CAPN9: variants seen among roughly 807,000 people sequenced by gnomAD.
CAPN9 encodes calpain-9.
In CAPN9, 81 loss-of-function variants were observed where a neutral mutation model predicts 92.8. That is an observed-to-expected ratio of 0.87 (90% CI 0.73 to 1.05). The LOEUF (loss-of-function observed/expected upper bound fraction) is 1.05, where lower values mean the gene tolerates loss of function less well. Among genes scored for constraint, CAPN9 ranks in the 50% least tolerant of loss-of-function variants. CAPN9 has a pLI of 0.00. For missense variants in CAPN9, 848 were observed against 866.2 expected (o/e 0.98, Z 0.26); for synonymous variants, 304 against 328.0 (o/e 0.93, Z 0.79).
chr1:230,797,375 C>T (rs1026797500), intron 18 of CAPN9, among the ~76,000 whole-genome samples: 10 of 152,168 alleles, frequency 6.6e-5, no homozygotes, highest in East Asian at 3.8e-4. Context: ...GCACACCTAA[C>T]GAAATTCTCA....
chr1:230,793,018 G>T, intron 17 of CAPN9, 90 bp downstream of exon 17: 1 of 981,250 alleles, frequency 1.0e-6, no homozygotes, highest in Non-Finnish European at 1.6e-6. Context: ...TCTCTCTGCT[G>T]CCCAGGAGGT....
intron 16 of CAPN9, 111 bp downstream of exon 16, chr1:230,792,605 C>G (rs2282321): frequency 3.3e-6 from 3 of 899,942 alleles, no homozygotes; most frequent in Non-Finnish European, 5.6e-6. Flanking sequence ...GAATTGTATT[C>G]GGACAGGGGA....
At chr1:230,748,855 T>C (rs745941617) in intron 1 of CAPN9, among the ~76,000 whole-genome samples, 4 of 152,232 alleles carry the variant, frequency 2.6e-5, no homozygotes, top group Non-Finnish European at 4.4e-5. Flanking sequence ...TTCTGGGCTC[T>C]TCAGGGGCAG....
chr1:230,761,302 TAGC>T (rs1210145813), intron 3 of CAPN9, among the ~76,000 whole-genome samples: 3 of 152,104 alleles, frequency 2.0e-5, no homozygotes, highest in Non-Finnish European at 4.4e-5. Flanking sequence ...GCTAGGAAGT[TAGC>T]AGAGCTCTCT....
At chr1:230,773,882 G>A (rs28359665) in intron 7 of CAPN9, among the ~76,000 whole-genome samples, 12,598 of 152,148 alleles carry the variant, frequency 0.083, 699 homozygotes, top group African/African-American at 0.15. Context: ...CTATTTGGAG[G>A]CGGCTGTGGG....
intron 19 of CAPN9, among the ~76,000 whole-genome samples, chr1:230,800,295 A>AAC (rs1668638319): frequency 1.0e-5 from 1 of 100,268 alleles, no homozygotes; most frequent in Non-Finnish European, 2.2e-5. Context: ...AGAAAGAAAG[A>AAC]AAGAAAGAAA....
chr1:230,773,953 G>A (rs1011768277), intron 7 of CAPN9, among the ~76,000 whole-genome samples: 1 of 152,190 alleles, frequency 6.6e-6, no homozygotes, highest in African/African-American at 2.4e-5. Flanking sequence ...GTGACAGGCA[G>A]CCATTCCTAC....
intron 7 of CAPN9, among the ~76,000 whole-genome samples, chr1:230,772,819 A>G (rs1212338527): frequency 6.6e-6 from 1 of 151,452 alleles, no homozygotes; most frequent in Non-Finnish European, 1.5e-5. Flanking sequence ...AGAGCTGTTA[A>G]CCAGAGTTTT....
At position 230,747,446 on chromosome 1, in the gene CAPN9, C is replaced by A; in HGVS notation, c.-51C>A. On this transcript the variant is annotated 5_prime_UTR_variant, in exon 1 of 20. Transcript: ENST00000271971. ...CCGGCACACACAGCTCGCTTCTTCA[C>A]TTTCTTTTCCATCCACTGCCGGACC... 1 of 1,517,432 alleles carries A rather than the reference C, an allele frequency of 6.6e-7. No individual in the cohort carries two copies. The highest frequency in any genetic ancestry group is 9.1e-7 in the Non-Finnish European group (1 of 1,093,526). The allele number at this position is 1,517,432 out of a possible 1,614,324, so 94.0% of individuals were successfully genotyped here. A position where few individuals can be genotyped will look rare whatever the true frequency, so the allele number is the denominator to read the frequency against.
intron 1 of CAPN9, among the ~76,000 whole-genome samples, chr1:230,750,519 C>T (rs2478546): frequency 0.2 from 30,468 of 152,118 alleles, 3,698 homozygotes; most frequent in African/African-American, 0.34. Flanking sequence ...GGAGACTCTT[C>T]TTGCAGCATA....
chr1:230,780,131 G>T, intron 9 of CAPN9, 48 bp from the exon 10 acceptor site: 3 of 1,350,208 alleles, frequency 2.2e-6, no homozygotes, highest in East Asian at 4.6e-5. Flanking sequence ...TGGTCTTTGT[G>T]GGTTGTTTTT....
At chr1:230,761,077 C>T (rs1029980881) in intron 3 of CAPN9, among the ~76,000 whole-genome samples, 11 of 152,128 alleles carry the variant, frequency 7.2e-5, no homozygotes, top group African/African-American at 2.7e-4. Context: ...AGTAGCCAAG[C>T]CAGACCTAGA....
chr1:230,750,758 G>T (rs1294608314), intron 1 of CAPN9, among the ~76,000 whole-genome samples: 1 of 152,180 alleles, frequency 6.6e-6, no homozygotes, highest in Non-Finnish European at 1.5e-5. Context: ...AAAGCCAAGG[G>T]GACATTGGAG....
At chr1:230,759,054 T>C (rs572279298) in intron 2 of CAPN9, among the ~76,000 whole-genome samples, 1 of 152,348 alleles carries the variant, frequency 6.6e-6, no homozygotes, top group East Asian at 1.9e-4. Context: ...ACCACGGAGA[T>C]ACCATTATCT....
In CAPN9 at chr1:230,800,246, GA is replaced by G. The variant is rs1441253126; in HGVS notation, c.2047-1321del. ...AAGAAAGAAAGAAGAAAGAAAGAAA[GA>G]AAGAAAGAAAGAAAGAAAGAAAGAA... On this transcript the variant is annotated intron_variant, in intron 19 of 19. Coordinates refer to ENST00000271971, the MANE Select transcript of CAPN9 (RefSeq NM_006615.3). 5.0e-5 allele frequency among the ~76,000 whole-genome samples: 4 copies of G among 80,180 alleles called. 1 individual carries two copies. Among genetic ancestry groups the G allele is most frequent in the Non-Finnish European group, 1.0e-4 (4 of 38,832 alleles). 52.6% of individuals were successfully genotyped at this position (80,180 alleles called of 152,430 possible). A position where few individuals can be genotyped will look rare whatever the true frequency, so the allele number is the denominator to read the frequency against.
chr1:230,755,457 C>A, intron 2 of CAPN9, 51 bp downstream of exon 2: 1 of 1,447,858 alleles, frequency 6.9e-7, no homozygotes, highest in Non-Finnish European at 9.5e-7. Flanking sequence ...GTCACTGGGA[C>A]AGGCAAGCAA....
intron 8 of CAPN9, among the ~76,000 whole-genome samples, chr1:230,778,556 A>G (rs1454610182): frequency 5.3e-5 from 8 of 151,802 alleles, no homozygotes; most frequent in Admixed American, 5.2e-4. Flanking sequence ...CACCTCAAGC[A>G]CCTCTCTGCC....
Position 230,790,034 on chromosome 1 carries a change from A to T in CAPN9, c.1600-98A>T, listed in dbSNP as rs543168800. On this transcript the variant is annotated intron_variant, in intron 13 of 19. Transcript: ENST00000271971. Reference sequence around the variant, plus strand: ...GCAGGGTCCTGAAGGCTGGTCTGTCACTGGAGCCAAATGAAGCTCAGAACT... The same window carrying T: ...GCAGGGTCCTGAAGGCTGGTCTGTCTCTGGAGCCAAATGAAGCTCAGAACT... 24 of 981,568 alleles carry T rather than the reference A, an allele frequency of 2.4e-5. No homozygotes were observed. In the East Asian group the frequency reaches 5.9e-4, roughly 24 times the overall value. The allele number at this position is 981,568 out of a possible 1,614,324, so 60.8% of individuals were successfully genotyped here.
intron 18 of CAPN9, among the ~76,000 whole-genome samples, chr1:230,797,117 C>T (rs561377584): frequency 3.1e-4 from 47 of 152,302 alleles, no homozygotes; most frequent in South Asian, 8.3e-4. Context: ...CCAGGCTGCA[C>T]AGTTGACCAA....
Sources: allele counts gnomAD v4.1 joint callset (sites outside exome capture counted in the v4.1 genomes callset), GRCh38; gene constraint gnomAD v4.1.1; transcripts MANE v1.5; gene names NCBI Gene and HGNC (gene_info 2026-07-23, HGNC 2026-07-21).